The following NAT14 variants were observed in gnomAD, a reference collection of about 807,000 sequenced individuals.
NAT14 encodes the protein probable N-acetyltransferase 14.
A neutral mutation model predicts 12.1 loss-of-function variants in NAT14; 14 were observed. That is an observed-to-expected ratio of 1.16 (90% confidence interval 0.76 to 1.81). NAT14 has a LOEUF of 1.81. Among genes scored for constraint, NAT14 ranks in the 40% most tolerant of loss-of-function variants. The pLI is 0.00. For synonymous variants in NAT14, 156 were observed against 145.1 expected, an observed-to-expected ratio of 1.08 and a Z score of -0.54; for missense variants, 341 against 304.3, an observed-to-expected ratio of 1.12 and a Z score of -0.90.
rs774652440 is a variant in NAT14 at position 55,486,716 on chromosome 19, CCTGT to C, written c.388_391del (p.Val130LeufsTer69). The stretch of plus-strand genomic sequence containing the variant: ...CAGGGGACGGGGCCCGGGTCACCCG[CCTGT>C]CTGTCTCTCGCTGGCACCGCCGCCG... On this transcript the variant is annotated frameshift_variant, in exon 3 of 3. Transcript: ENST00000205194. LOFTEE classifies it high-confidence loss of function. 357 of 1,419,200 alleles carry C rather than the reference CCTGT, an allele frequency of 2.5e-4. 1 individual carries two copies. In the African/African-American group the frequency reaches 3.9e-3, roughly 15 times the overall value. 87.9% of individuals were successfully genotyped at this position (1,419,200 alleles called of 1,614,324 possible).
In NAT14 at chr19:55,486,614, C is replaced by T. The variant is rs370765782; in HGVS notation, c.279C>T (p.Gly93=). 10 of 1,538,176 alleles carry T rather than the reference C, an allele frequency of 6.5e-6. No homozygotes were observed. In the African/African-American group the frequency reaches 1.3e-4, roughly 19 times the overall value. ...ARWGSLPPPG[G]LGGPWVAVRG... is the part of the protein sequence containing the mutation. ...GGGGCTCGCTGCCTCCGCCGGGTGG[C>T]CTGGGGGGCCCCTGGGTGGCCGTGC... The change falls in exon 3 of 3, where the codon GGC becomes GGT. Residue 93 remains glycine (G), a synonymous_variant. Coordinates refer to ENST00000205194, the MANE Select transcript of NAT14 (RefSeq NM_020378.4).
At chr19:55,485,593 C>A in intron 1 of NAT14, 68 bp from the exon 2 acceptor site, 1 of 852,198 alleles carries the variant, frequency 1.2e-6, no homozygotes, top group South Asian at 1.6e-5. Context: ...TTGCTGCTCC[C>A]TACCCCTCGG....
At position 55,486,924 on chromosome 19, in the gene NAT14, A is replaced by G. The variant is rs778705247; in HGVS notation, c.589A>G (p.Thr197Ala). Residue 197 changes from threonine to alanine, a missense_variant, in exon 3 of 3, where the codon ACG (threonine) becomes GCG (alanine). Coordinates refer to ENST00000205194, the MANE Select transcript of NAT14 (RefSeq NM_020378.4). ...AEGGWGCLGYTLVREFSKDL is the reference protein window; with the variant it reads ...AEGGWGCLGYALVREFSKDL The stretch of plus-strand genomic sequence containing the variant: ...GGGGGGCTGGGGCTGCCTGGGCTAC[A>G]CGCTGGTGAGGGAATTCAGCAAAGA... 23 of 1,562,798 alleles carry G rather than the reference A, an allele frequency of 1.5e-5. No individual in the cohort carries two copies. In the Admixed American group the frequency reaches 1.8e-4, roughly 12 times the overall value.
chr19:55,486,998 G>T lies in NAT14; in HGVS notation c.*42G>T. On this transcript the variant is annotated 3_prime_UTR_variant, in exon 3 of 3. Transcript: ENST00000205194. ...CCAGGGCAGGGGAGGAGGGAGGGGC[G>T]CCAGCACCTGATGATCGCCTACTGT... 6.6e-7 allele frequency: 1 copy of T among 1,518,024 alleles called. No homozygotes were observed. Among genetic ancestry groups the T allele is most frequent in the Non-Finnish European group, 8.8e-7 (1 of 1,139,696 alleles). 94.0% of individuals were successfully genotyped at this position (1,518,024 alleles called of 1,614,324 possible). A position where few individuals can be genotyped will look rare whatever the true frequency, so the allele number is the denominator to read the frequency against.
Position 55,486,620 on chromosome 19 carries a change from G to A in NAT14, c.285G>A (p.Gly95=), listed in dbSNP as rs1345253212. 3 of 1,534,272 alleles carry A rather than the reference G, an allele frequency of 2.0e-6. No homozygotes were observed. The highest frequency in any genetic ancestry group is 1.7e-6 in the Non-Finnish European group (2 of 1,151,294). The part of the protein sequence containing the change: ...WGSLPPPGGL[G]GPWVAVRGSG... The stretch of plus-strand genomic sequence containing the variant: ...CGCTGCCTCCGCCGGGTGGCCTGGG[G>A]GGCCCCTGGGTGGCCGTGCGGGGCT... The change falls in exon 3 of 3, where the codon GGG becomes GGA. Residue 95 remains glycine (G), a synonymous_variant. Transcript: ENST00000205194.
chr19:55,487,059 C>A lies in NAT14; in HGVS notation c.*103C>A. ...TTTTACCTGCTCTCCCTCAGTGAGT[C>A]CTCAACCACCCTGGGCCCAGAAACA... On this transcript the variant is annotated 3_prime_UTR_variant, in exon 3 of 3. Coordinates refer to ENST00000205194, the MANE Select transcript of NAT14 (RefSeq NM_020378.4). 7.0e-7 allele frequency: 1 copy of A among 1,435,530 alleles called. No homozygotes were observed. The highest frequency in any genetic ancestry group is 1.4e-5 in the South Asian group (1 of 70,352). 88.9% of individuals were successfully genotyped at this position (1,435,530 alleles called of 1,614,324 possible). A position where few individuals can be genotyped will look rare whatever the true frequency, so the allele number is the denominator to read the frequency against.
chr19:55,486,639 C>A lies in NAT14; in HGVS notation c.304C>A (p.Arg102=). The A allele has an allele frequency of 6.6e-7, 1 of 1,512,448 alleles. No homozygotes were observed. Among genetic ancestry groups the A allele is most frequent in the Non-Finnish European group, 8.8e-7 (1 of 1,141,010 alleles). The allele number at this position is 1,512,448 out of a possible 1,614,324, so 93.7% of individuals were successfully genotyped here. The change falls in exon 3 of 3, where the codon CGG becomes AGG. Residue 102 remains arginine (R), a synonymous_variant. Coordinates refer to ENST00000205194, the MANE Select transcript of NAT14 (RefSeq NM_020378.4). ...GGLGGPWVAV[R]GSGDVCGVLA... is the part of the protein sequence containing the mutation. ...CCTGGGGGGCCCCTGGGTGGCCGTG[C>A]GGGGCTCCGGTGACGTGTGTGGGGT...
chr19:55,486,529 CCCT>C lies in NAT14; in HGVS notation c.201_203del (p.Leu68del), dbSNP rs1986918061. On this transcript the variant is annotated inframe_deletion, in exon 3 of 3. Coordinates refer to ENST00000205194, the MANE Select transcript of NAT14 (RefSeq NM_020378.4). Reference sequence around the variant, plus strand: ...TTTGTCCTGGCTTCCTTCGCCCTGGCCCTCCTCCTGCCGGTGTTCCTGGCTGTG... The same window carrying C: ...TTTGTCCTGGCTTCCTTCGCCCTGGCCCTCCTGCCGGTGTTCCTGGCTGTG... 1 of 1,588,952 alleles carries C rather than the reference CCCT, an allele frequency of 6.3e-7. No homozygotes were observed. Among genetic ancestry groups the C allele is most frequent in the Non-Finnish European group, 8.5e-7 (1 of 1,174,754 alleles).
chr19:55,487,467 C>G lies in NAT14; in HGVS notation c.*511C>G, dbSNP rs1479748401. The stretch of plus-strand genomic sequence containing the variant: ...CGACGCACAGGGCTGCCAGGCCTGG[C>G]CCCTCTCTGGGAAGGTTGAGAGCTG... On this transcript the variant is annotated 3_prime_UTR_variant, in exon 3 of 3. Coordinates refer to ENST00000205194, the MANE Select transcript of NAT14 (RefSeq NM_020378.4). 5.0e-6 allele frequency: 2 copies of G among 397,782 alleles called. No homozygotes were observed. The highest frequency in any genetic ancestry group is 8.9e-6 in the Non-Finnish European group (2 of 225,922). 24.6% of individuals were successfully genotyped at this position (397,782 alleles called of 1,614,324 possible). A position where few individuals can be genotyped will look rare whatever the true frequency, so the allele number is the denominator to read the frequency against.
At chr19:55,485,846 C>A in intron 2 of NAT14, 66 bp downstream of exon 2, 1 of 1,186,130 alleles carries the variant, frequency 8.4e-7, no homozygotes, top group Non-Finnish European at 1.2e-6. Context: ...GTGGATTCAG[C>A]CACCCCCTCC....
Position 55,486,768 on chromosome 19 carries a change from G to T in NAT14, c.433G>T (p.Ala145Ser), listed in dbSNP as rs550400449. Residue 145 changes from alanine to serine, a missense_variant, in exon 3 of 3, where the codon GCC becomes TCC. Ala to Ser is a moderately conservative substitution (Grantham distance 99). Coordinates refer to ENST00000205194, the MANE Select transcript of NAT14 (RefSeq NM_020378.4). Reference protein sequence around the residue: ...RRRGVGRRLLAFAEARARAWA... With the variant: ...RRRGVGRRLLSFAEARARAWA... ...CCGGGGCGTGGGCAGGAGGCTGCTG[G>T]CCTTCGCGGAGGCCCGGGCTCGGGC... 1,270 of 1,421,704 alleles carry T rather than the reference G, an allele frequency of 8.9e-4. 1 individual carries two copies. Among genetic ancestry groups the T allele is most frequent in the Non-Finnish European group, 1.0e-3 (1,144 of 1,099,090 alleles). 88.1% of individuals were successfully genotyped at this position (1,421,704 alleles called of 1,614,324 possible).
chr19:55,486,151 C>T, intron 2 of NAT14: 1 of 579,054 alleles, frequency 1.7e-6, no homozygotes, highest in Non-Finnish European at 3.0e-6. Context: ...ACCTCCCTGT[C>T]CTTACTTCCC....
rs1055170772 is a variant in NAT14 at position 55,487,315 on chromosome 19, G to A, written c.*359G>A. The A allele has an allele frequency of 2.3e-6, 1 of 432,336 alleles. No homozygotes were observed. The highest frequency in any genetic ancestry group is 4.0e-6 in the Non-Finnish European group (1 of 247,110). The allele number at this position is 432,336 out of a possible 1,614,324, so 26.8% of individuals were successfully genotyped here. On this transcript the variant is annotated 3_prime_UTR_variant, in exon 3 of 3. Coordinates refer to ENST00000205194, the MANE Select transcript of NAT14 (RefSeq NM_020378.4). Reference sequence around the variant, plus strand: ...GTGCCCCAGGCTGGGAGAGCTATCTGGGGAGGGGGAGAGGAGGCCGAGCAG... The same window carrying A: ...GTGCCCCAGGCTGGGAGAGCTATCTAGGGAGGGGGAGAGGAGGCCGAGCAG...
chr19:55,485,545 C>T (rs1986892051), intron 1 of NAT14, 116 bp from the exon 2 acceptor site: 1 of 598,932 alleles, frequency 1.7e-6, no homozygotes, highest in East Asian at 2.8e-5. Flanking sequence ...CGCTTGGGGG[C>T]CCCGAGGGTT....
intron 2 of NAT14, 101 bp downstream of exon 2, chr19:55,485,881 C>A: frequency 1.1e-6 from 1 of 924,170 alleles, no homozygotes. Context: ...AGCCTGGACC[C>A]CTGGAGCGGG....
In NAT14 at chr19:55,485,645, C is replaced by T; in HGVS notation, c.-48-16C>T. On this transcript the variant is annotated splice_polypyrimidine_tract_variant and intron_variant, in intron 1 of 2. Transcript: ENST00000205194. ...GAGGTGCCCCCCTGACGCTGACCTA[C>T]TTATGTTCTCACCAGGTGCACGACG... 7.2e-7 allele frequency: 1 copy of T among 1,389,876 alleles called. No homozygotes were observed. The allele number at this position is 1,389,876 out of a possible 1,614,324, so 86.1% of individuals were successfully genotyped here.
rs1222362225 is a variant in NAT14, at chr19:55,486,411, G to A, written c.76G>A (p.Gly26Ser). 11 of 1,461,560 alleles carry A rather than the reference G, an allele frequency of 7.5e-6. No individual in the cohort carries two copies. The highest frequency in any genetic ancestry group is 8.1e-6 in the Non-Finnish European group (9 of 1,113,248). 90.5% of individuals were successfully genotyped at this position (1,461,560 alleles called of 1,614,324 possible). A position where few individuals can be genotyped will look rare whatever the true frequency, so the allele number is the denominator to read the frequency against. The change falls in exon 3 of 3, where the codon GGC becomes AGC. Residue 26 changes from glycine to serine, a missense_variant. By Grantham distance (56) the Gly-to-Ser change is moderately conservative. Transcript: ENST00000205194. ...GAGCCACCCCTCCTGCCCACAGGCC[G>A]GCGTGAAGGACACGGAAAACCGCGT... ...KPLVLEMLKA[G>S]VKDTENRVAL...
At position 55,486,284 on chromosome 19, in the gene NAT14, C is replaced by T. The variant is rs544808157; in HGVS notation, c.73-124C>T. The T allele has an allele frequency of 3.9e-4, 500 of 1,291,340 alleles. 2 individuals carry two copies. The highest frequency in any genetic ancestry group is 4.8e-4 in the Non-Finnish European group (471 of 990,842). 80.0% of individuals were successfully genotyped at this position (1,291,340 alleles called of 1,614,324 possible). A position where few individuals can be genotyped will look rare whatever the true frequency, so the allele number is the denominator to read the frequency against. Reference sequence around the variant, plus strand: ...ATACCCAGTGTGCCACACTGAACATCGGACTGTGCTGCCTTCCCTTCCCAT... The same window carrying T: ...ATACCCAGTGTGCCACACTGAACATTGGACTGTGCTGCCTTCCCTTCCCAT... On this transcript the variant is annotated intron_variant, in intron 2 of 2. Transcript: ENST00000205194.
At chr19:55,485,916 G>A (rs1305259842) in intron 2 of NAT14, 136 bp downstream of exon 2, 7 of 726,222 alleles carry the variant, frequency 9.6e-6, no homozygotes, top group Admixed American at 9.6e-5. Flanking sequence ...AGCCTCAGCC[G>A]CCCTGCTGCT....
Sources: allele counts gnomAD v4.1 joint callset, GRCh38; gene constraint gnomAD v4.1.1; transcripts MANE v1.5; gene names NCBI Gene and HGNC (gene_info 2026-07-23, HGNC 2026-07-21).